The following RGS3 variants were observed in gnomAD, a reference collection of about 807,000 sequenced individuals.
RGS3 encodes regulator of G-protein signalling 3.
In RGS3, 80 loss-of-function variants were observed where a neutral mutation model predicts 132.6. The observed-to-expected ratio is 0.60, with a 90% CI of 0.50 to 0.73. RGS3 has a LOEUF of 0.73. Among genes scored for constraint, RGS3 ranks in the 30% least tolerant of loss-of-function variants. RGS3 has a pLI of 0.00. For missense variants in RGS3, 1,382 were observed against 1,530.8 expected (o/e 0.90, Z 1.62); for synonymous variants, 598 against 620.6 (o/e 0.96, Z 0.54).
At chr9:113,513,257 G>C (rs1242522763) in intron 14 of RGS3, among the ~76,000 whole-genome samples, 3 of 152,076 alleles carry the variant, frequency 2.0e-5, no homozygotes, top group Non-Finnish European at 2.9e-5. Flanking sequence ...CAGGGTGAGG[G>C]GTGTGTGTCC....
At chr9:113,595,368 A>G in intron 23 of RGS3, 1 of 567,248 alleles carries the variant, frequency 1.8e-6, no homozygotes. Context: ...GATAGTCCCC[A>G]TTTCACAGAT....
At chr9:113,577,904 C>T (rs192721682) in intron 19 of RGS3, among the ~76,000 whole-genome samples, 13 of 152,364 alleles carry the variant, frequency 8.5e-5, no homozygotes, top group Admixed American at 7.2e-4. Flanking sequence ...CTCTCTAGTT[C>T]GTAGGCTCCA....
At chr9:113,563,696 G>T (rs1299546854) in intron 19 of RGS3, among the ~76,000 whole-genome samples, 3 of 152,196 alleles carry the variant, frequency 2.0e-5, no homozygotes, top group African/African-American at 7.2e-5. Flanking sequence ...TGAAACACTG[G>T]TTGGAGTTTG....
intron 7 of RGS3, among the ~76,000 whole-genome samples, chr9:113,492,530 G>A (rs548920555): frequency 2.0e-5 from 3 of 152,304 alleles, no homozygotes; most frequent in East Asian, 3.9e-4. Context: ...CCTGCCAACC[G>A]TGGACGTGAT....
At chr9:113,481,373 C>T (rs1414937561) in intron 4 of RGS3, among the ~76,000 whole-genome samples, 1 of 152,204 alleles carries the variant, frequency 6.6e-6, no homozygotes, top group Non-Finnish European at 1.5e-5. Context: ...GTCACCAGAC[C>T]TGGGTCCTGC....
At chr9:113,587,411 C>T (rs1835172631) in intron 20 of RGS3, among the ~76,000 whole-genome samples, 1 of 152,146 alleles carries the variant, frequency 6.6e-6, no homozygotes, top group Non-Finnish European at 1.5e-5. Flanking sequence ...GTCAGACAGA[C>T]CCAGGTTCAA....
chr9:113,501,700 A>G (rs1830904662), intron 10 of RGS3: 2 of 1,432,002 alleles, frequency 1.4e-6, no homozygotes, highest in South Asian at 2.4e-5. Flanking sequence ...CCATCTGAGA[A>G]GGATCTCGCT....
intron 19 of RGS3, among the ~76,000 whole-genome samples, chr9:113,577,677 C>T (rs1372011014): frequency 2.6e-5 from 4 of 152,198 alleles, no homozygotes; most frequent in Non-Finnish European, 5.9e-5. Flanking sequence ...TAAGGCTCTT[C>T]CTGGCCCGGG....
chr9:113,483,355 T>A (rs964845127), intron 5 of RGS3, among the ~76,000 whole-genome samples: 2 of 152,180 alleles, frequency 1.3e-5, no homozygotes, highest in African/African-American at 4.8e-5. Flanking sequence ...ATCTTGGTCA[T>A]CTATATAGGT....
At chr9:113,541,000 G>A (rs1053363485) in intron 19 of RGS3, among the ~76,000 whole-genome samples, 1 of 152,218 alleles carries the variant, frequency 6.6e-6, no homozygotes, top group African/African-American at 2.4e-5. Flanking sequence ...TTCATCGGGG[G>A]CCTTGTTCAT....
chr9:113,529,330 G>C, intron 18 of RGS3, 66 bp downstream of exon 16: 2 of 1,300,722 alleles, frequency 1.5e-6, no homozygotes, highest in Non-Finnish European at 2.2e-6. Context: ...GAGACACTGG[G>C]CTGGGATCTA....
intron 3 of RGS3, among the ~76,000 whole-genome samples, chr9:113,468,471 A>T (rs1829719424): frequency 6.6e-6 from 1 of 152,154 alleles, no homozygotes; most frequent in African/African-American, 2.4e-5. Flanking sequence ...TACATTTTGA[A>T]ATCAGGTTGT....
In RGS3 at chr9:113,591,626, C is replaced by T. The variant is rs1395293860; in HGVS notation, c.3080+229C>T. 5.4e-5 allele frequency: 28 copies of T among 521,178 alleles called. No homozygotes were observed. The highest frequency in any genetic ancestry group is 1.7e-5 in the Non-Finnish European group (5 of 286,454). The allele number at this position is 521,178 out of a possible 1,614,324, so 32.3% of individuals were successfully genotyped here. A position where few individuals can be genotyped will look rare whatever the true frequency, so the allele number is the denominator to read the frequency against. Reference sequence around the variant, plus strand: ...GTGAGGCAAAGTGCTGATTCAGTACCCGGAAGCCACAGTGAACCAGAAGCA... The same window carrying T: ...GTGAGGCAAAGTGCTGATTCAGTACTCGGAAGCCACAGTGAACCAGAAGCA... On this transcript the variant is annotated intron_variant, in intron 21 of 24. Transcript: ENST00000350696. The surrounding 1 kb of genome is among the most constrained non-coding windows in gnomAD (Gnocchi z 4.4).
upstream of RGS3, among the ~76,000 whole-genome samples, chr9:113,456,206 A>G (rs988000401): frequency 6.6e-6 from 1 of 152,186 alleles, no homozygotes; most frequent in Non-Finnish European, 1.5e-5. Context: ...CACATTAAAC[A>G]TTCCCTGTGG....
chr9:113,498,131 G>C, intron 10 of RGS3, 51 bp downstream of exon 8: 1 of 1,569,284 alleles, frequency 6.4e-7, no homozygotes, highest in Non-Finnish European at 8.8e-7. Context: ...TCTGCTCCTT[G>C]ACAGCCCCTG....
chr9:113,572,992 A>G (rs992560609), intron 19 of RGS3, among the ~76,000 whole-genome samples: 1 of 152,264 alleles, frequency 6.6e-6, no homozygotes, highest in African/African-American at 2.4e-5. Flanking sequence ...GATGATCGTC[A>G]TGAGAGTAAC....
intron 16 of RGS3, among the ~76,000 whole-genome samples, chr9:113,520,149 C>T (rs1276483965): frequency 2.6e-5 from 4 of 152,208 alleles, no homozygotes; most frequent in Admixed American, 6.5e-5. Context: ...TCAGATGTGT[C>T]CTTGGAGCAA....
intron 17 of RGS3, among the ~76,000 whole-genome samples, chr9:113,523,531 G>A (rs2119414229): frequency 6.6e-6 from 1 of 152,340 alleles, no homozygotes; most frequent in South Asian, 2.1e-4. Context: ...CCACAGATCT[G>A]TGGACAGAGA....
intron 24 of RGS3, 125 bp from the exon 23 acceptor site, chr9:113,596,643 G>T: frequency 1.3e-6 from 1 of 744,218 alleles, no homozygotes; most frequent in Non-Finnish European, 2.1e-6. Context: ...TACTTCAGAT[G>T]AACCTTAAGA....
Sources: allele counts gnomAD v4.1 joint callset (sites outside exome capture counted in the v4.1 genomes callset), GRCh38; gene constraint gnomAD v4.1.1; non-coding constraint Gnocchi (gnomAD v3.1); transcripts MANE v1.5; gene names NCBI Gene and HGNC (gene_info 2026-07-23, HGNC 2026-07-21).